The following NCKAP5 variants were observed in gnomAD, a reference collection of about 807,000 sequenced individuals.
NCKAP5 encodes the protein NCK associated protein 5.
NCKAP5 carries 92 observed loss-of-function variants against 167.0 expected under a neutral mutation model. That is an observed-to-expected ratio of 0.55 (90% CI 0.47 to 0.66). The LOEUF (loss-of-function observed/expected upper bound fraction) is 0.66. NCKAP5 is among the 30% of genes least tolerant of loss of function. The pLI is 0.00. For synonymous variants in NCKAP5, 891 were observed against 877.4 expected (o/e 1.02, Z -0.27); for missense variants, 2,378 against 2,315.0 (o/e 1.03, Z -0.56).
At chr2:133,654,982 G>A in the NCKAP5 span, among the ~76,000 whole-genome samples, 49 of 152,334 alleles carry the variant, frequency 3.2e-4, 1 homozygote, top group Admixed American at 3.2e-3. Flanking sequence ...GCTGTTGGCT[G>A]AGAGCTTCAA....
At chr2:133,565,418 T>C (rs1232173216) in intron 1 of NCKAP5, among the ~76,000 whole-genome samples, 1 of 152,238 alleles carries the variant, frequency 6.6e-6, no homozygotes, top group African/African-American at 2.4e-5. Context: ...CTTCTCCATC[T>C]TCCCATGAAG....
intron 6 of NCKAP5, among the ~76,000 whole-genome samples, chr2:133,108,657 G>C (rs1049201982): frequency 6.6e-6 from 1 of 152,142 alleles, no homozygotes; most frequent in Non-Finnish European, 1.5e-5. Flanking sequence ...CATCCTTCAT[G>C]AGTGAAACTT....
chr2:133,193,338 A>G (rs529628128), intron 5 of NCKAP5, among the ~76,000 whole-genome samples: 1 of 151,676 alleles, frequency 6.6e-6, no homozygotes, highest in African/African-American at 2.4e-5. Flanking sequence ...TGACTGTATC[A>G]ATGTCAACTG....
At chr2:133,300,900 C>A (rs1680344299) in intron 4 of NCKAP5, among the ~76,000 whole-genome samples, 1 of 63,044 alleles carries the variant, frequency 1.6e-5, no homozygotes, top group African/African-American at 7.6e-5. Flanking sequence ...AGCCCAAAAT[C>A]TCCTTAAGCT....
At chr2:133,503,622 A>G (rs1339071816) in intron 3 of NCKAP5, among the ~76,000 whole-genome samples, 1 of 152,194 alleles carries the variant, frequency 6.6e-6, no homozygotes, top group Admixed American at 6.5e-5. Context: ...TGGACACCAA[A>G]TATGCTTTCT....
chr2:133,177,162 T>TTATATATATATATATATATATA (rs1297288847), intron 5 of NCKAP5, among the ~76,000 whole-genome samples: 4 of 26,314 alleles, frequency 1.5e-4, no homozygotes, highest in African/African-American at 7.1e-4. Flanking sequence ...AGGTTTTGTT[T>TTATATATATATATATATATATA]TCTATATATA....
At chr2:133,147,309 G>A (rs772626077) in intron 5 of NCKAP5, among the ~76,000 whole-genome samples, 1 of 152,038 alleles carries the variant, frequency 6.6e-6, no homozygotes, top group Non-Finnish European at 1.5e-5. Context: ...GCCCTGTCAC[G>A]GGCACCGCAT....
chr2:133,180,426 C>A (rs113409783), intron 5 of NCKAP5, among the ~76,000 whole-genome samples: 3 of 151,986 alleles, frequency 2.0e-5, no homozygotes, highest in Non-Finnish European at 4.4e-5. Context: ...CCTCGAACTC[C>A]CCAGGCTCAG....
At chr2:133,331,223 CT>C in intron 3 of NCKAP5, among the ~76,000 whole-genome samples, 1 of 152,198 alleles carries the variant, frequency 6.6e-6, no homozygotes, top group East Asian at 1.9e-4. Context: ...ATTTATACTC[CT>C]TTTTTGTTGG....
intron 6 of NCKAP5, among the ~76,000 whole-genome samples, chr2:133,018,924 G>A (rs1000147754): frequency 1.3e-5 from 2 of 152,268 alleles, no homozygotes. Flanking sequence ...CTTTAGCCTT[G>A]TTGCTATTTA....
chr2:132,808,921 T>G (rs144953188), intron 11 of NCKAP5, among the ~76,000 whole-genome samples: 1 of 152,274 alleles, frequency 6.6e-6, no homozygotes, highest in East Asian at 1.9e-4. Flanking sequence ...TGAAATTTCC[T>G]CTTAGCACTG....
chr2:133,135,847 T>A lies in NCKAP5; in HGVS notation c.208-5736A>T, dbSNP rs527676275. ...GCACTTCAAAAACTCAAAAGTCCTA[T>A]ATAAAAATAAAATATGGCTAACTAA... On this transcript the variant is annotated intron_variant, in intron 5 of 19. Transcript: ENST00000409261. Among the ~76,000 whole-genome samples, 10 of 152,240 alleles carry A rather than the reference T, an allele frequency of 6.6e-5. No homozygotes were observed. The South Asian group carries it at 1.2e-3, about 19-fold the overall frequency.
At chr2:133,171,980 A>G (rs1222051731) in intron 5 of NCKAP5, among the ~76,000 whole-genome samples, 2 of 152,298 alleles carry the variant, frequency 1.3e-5, no homozygotes, top group East Asian at 3.9e-4. Flanking sequence ...TGACATCTTG[A>G]TTTTTAGTGA....
chr2:133,517,515 C>A lies in NCKAP5; in HGVS notation c.12G>T (p.Lys4Asn). ...CAAAGTCCCTTTTCTCAAGCTGTCT[C>A]TTTCCCTCCATGGATGAAGTTATTT... The part of the protein sequence containing the change: MEG[K>N]RQLEKRDFGK... The change falls in exon 3 of 20, where the codon AAG becomes AAT. Residue 4 changes from lysine (K) to asparagine (N), a missense_variant. Lys to Asn is a moderately conservative substitution (Grantham distance 94, BLOSUM62 0). This residue lies in a region of NCKAP5 where 1,049 missense variants were observed against 1,023.4 expected (regional missense o/e 1.02). Coordinates refer to ENST00000409261, the MANE Select transcript of NCKAP5 (RefSeq NM_207363.3). 6.5e-7 allele frequency: 1 copy of A among 1,537,292 alleles called. No individual in the cohort carries two copies. The highest frequency in any genetic ancestry group is 8.8e-7 in the Non-Finnish European group (1 of 1,138,232).
the NCKAP5 span, among the ~76,000 whole-genome samples, chr2:133,578,326 C>A: frequency 3.1e-3 from 471 of 152,312 alleles, 6 homozygotes; most frequent in African/African-American, 0.011. Flanking sequence ...AGACATTTGG[C>A]AAATTGTGCA....
intron 3 of NCKAP5, among the ~76,000 whole-genome samples, chr2:133,371,351 T>A (rs1458484361): frequency 6.6e-6 from 1 of 152,210 alleles, no homozygotes; most frequent in Non-Finnish European, 1.5e-5. Context: ...GTAGCCCCTG[T>A]TTTGTAGTTA....
Position 132,683,032 on chromosome 2 carries a change from C to A in NCKAP5, c.5714-9727G>T, listed in dbSNP as rs139193358. On this transcript the variant is annotated intron_variant, in intron 19 of 19. Coordinates refer to ENST00000409261, the MANE Select transcript of NCKAP5 (RefSeq NM_207363.3). ...CCAAGTAGTTGAGATTACAGGCATGCACCTCCATGCCTGGCTAATTTTTGT... is the reference window on the plus strand; with the variant it reads ...CCAAGTAGTTGAGATTACAGGCATGAACCTCCATGCCTGGCTAATTTTTGT... Among the ~76,000 whole-genome samples the A allele has an allele frequency of 2.0e-3, 311 of 151,916 alleles. 1 individual carries two copies. Among genetic ancestry groups the A allele is most frequent in the African/African-American group, 7.3e-3 (301 of 41,454 alleles).
chr2:132,986,276 A>G (rs1164908515), intron 7 of NCKAP5, among the ~76,000 whole-genome samples: 1 of 152,132 alleles, frequency 6.6e-6, no homozygotes, highest in Non-Finnish European at 1.5e-5. Flanking sequence ...CTCTATTTTA[A>G]CCTTTTCAAA....
At chr2:132,773,116 G>A (rs1206548266) in intron 16 of NCKAP5, among the ~76,000 whole-genome samples, 1 of 152,186 alleles carries the variant, frequency 6.6e-6, no homozygotes. Context: ...GCTATATTTA[G>A]AGCCTGAGGA....
Sources: allele counts gnomAD v4.1 joint callset (sites outside exome capture counted in the v4.1 genomes callset), GRCh38; gene constraint gnomAD v4.1.1; regional missense constraint gnomAD v4.1.1; transcripts MANE v1.5; gene names NCBI Gene and HGNC (gene_info 2026-07-23, HGNC 2026-07-21).